Variants in MPZL1 observed in about 807,000 individuals in gnomAD.
MPZL1 encodes myelin protein zero-like protein 1.
A neutral mutation model predicts 29.3 loss-of-function variants in MPZL1; 16 were observed. The observed-to-expected ratio is 0.55, with a 90% confidence interval of 0.37 to 0.83. The LOEUF (loss-of-function observed/expected upper bound fraction) is 0.83, where lower values mean the gene tolerates loss of function less well. Ranked by LOEUF, MPZL1 falls within the 40% of genes least tolerant of loss-of-function variation. The probability of loss-of-function intolerance (pLI) is 0.00; values close to 1 mark genes in which losing one functional copy is unlikely to be tolerated. For synonymous variants in MPZL1, 143 were observed against 132.0 expected (o/e 1.08, Z -0.57); for missense variants, 279 against 332.9 (o/e 0.84, Z 1.26).
chr1:167,750,510 T>C (rs959552120), intron 1 of MPZL1, among the ~76,000 whole-genome samples: 4 of 152,100 alleles, frequency 2.6e-5, no homozygotes, highest in African/African-American at 9.7e-5. Flanking sequence ...CCCACCCAGG[T>C]TTTTCAGATG....
intron 1 of MPZL1, among the ~76,000 whole-genome samples, chr1:167,727,320 C>T (rs1660168319): frequency 6.6e-6 from 1 of 152,190 alleles, no homozygotes; most frequent in African/African-American, 2.4e-5. Flanking sequence ...ATGATTAGAG[C>T]CTTCTAACTG....
chr1:167,754,042 G>T (rs977103773), intron 1 of MPZL1, among the ~76,000 whole-genome samples: 1 of 152,112 alleles, frequency 6.6e-6, no homozygotes, highest in Admixed American at 6.6e-5. Flanking sequence ...CTGTTGCCCA[G>T]GCTGGAGTGC....
At chr1:167,784,415 C>G (rs536638013) in intron 5 of MPZL1, among the ~76,000 whole-genome samples, 3 of 152,148 alleles carry the variant, frequency 2.0e-5, no homozygotes, top group Admixed American at 2.0e-4. Context: ...AGTAAAACAG[C>G]TAGGTTAATG....
chr1:167,774,498 A>T (rs190320379), intron 4 of MPZL1: 1 of 152,398 alleles, frequency 6.6e-6, no homozygotes, highest in South Asian at 2.1e-4. Context: ...GAATGCTTCT[A>T]TTCTGCTGAC....
intron 1 of MPZL1, among the ~76,000 whole-genome samples, chr1:167,730,192 C>A (rs1408753785): frequency 6.6e-6 from 1 of 152,190 alleles, no homozygotes; most frequent in East Asian, 1.9e-4. Context: ...GCCATCCTCA[C>A]CAATCATGCA....
At chr1:167,753,888 C>A (rs1660811504) in intron 1 of MPZL1, among the ~76,000 whole-genome samples, 1 of 149,684 alleles carries the variant, frequency 6.7e-6, no homozygotes, top group Non-Finnish European at 1.5e-5. Flanking sequence ...CCTCAGCTTC[C>A]CAAAGTGTTG....
chr1:167,762,584 G>A (rs988127151), intron 1 of MPZL1, among the ~76,000 whole-genome samples: 3 of 152,220 alleles, frequency 2.0e-5, no homozygotes, highest in Non-Finnish European at 1.5e-5. Context: ...CCAAAACTCG[G>A]TGCTTGGCCC....
chr1:167,727,675 G>C (rs767946499), intron 1 of MPZL1, among the ~76,000 whole-genome samples: 82 of 151,832 alleles, frequency 5.4e-4, no homozygotes, highest in Admixed American at 9.9e-4. Flanking sequence ...CTCTTACTTT[G>C]CTAAGTCGTT....
chr1:167,770,937 T>C (rs1661229645), intron 2 of MPZL1, among the ~76,000 whole-genome samples: 1 of 152,142 alleles, frequency 6.6e-6, no homozygotes, highest in African/African-American at 2.4e-5. Context: ...TTGAGTGCCG[T>C]GATCTCTAAA....
chr1:167,769,627 C>T (rs1378770484), intron 2 of MPZL1, among the ~76,000 whole-genome samples: 1 of 152,174 alleles, frequency 6.6e-6, no homozygotes, highest in African/African-American at 2.4e-5. Context: ...GAACCTGTGG[C>T]CAACTAACTT....
At chr1:167,736,522 C>T (rs1002026697) in intron 1 of MPZL1, among the ~76,000 whole-genome samples, 3 of 152,140 alleles carry the variant, frequency 2.0e-5, no homozygotes, top group South Asian at 2.1e-4. Flanking sequence ...GCATGCCACT[C>T]GCTATTGTTA....
rs1416387432 is a variant in MPZL1 at position 167,789,844 on chromosome 1, G to A, written c.*1923G>A. 1 of 152,220 alleles carries A rather than the reference G, an allele frequency of 6.6e-6. No homozygotes were observed. Among genetic ancestry groups the A allele is most frequent in the Non-Finnish European group, 1.5e-5 (1 of 68,048 alleles). The allele number at this position is 152,220 out of a possible 1,614,324, so 9.4% of individuals were successfully genotyped here. A position where few individuals can be genotyped will look rare whatever the true frequency, so the allele number is the denominator to read the frequency against. On this transcript the variant is annotated 3_prime_UTR_variant, in exon 6 of 6. Transcript: ENST00000359523. Reference sequence around the variant, plus strand: ...GGCCCTGAGACATTTCCACAAAGTGGTCAACTCTGCCTTGCATCCTAAAAC... The same window carrying A: ...GGCCCTGAGACATTTCCACAAAGTGATCAACTCTGCCTTGCATCCTAAAAC...
intron 1 of MPZL1, among the ~76,000 whole-genome samples, chr1:167,726,509 C>G (rs1660148529): frequency 6.6e-6 from 1 of 152,148 alleles, no homozygotes; most frequent in African/African-American, 2.4e-5. Context: ...CATGTCTTGA[C>G]AACAGTTTGT....
At chr1:167,774,422 C>T (rs558061944) in intron 4 of MPZL1, 2 of 152,762 alleles carry the variant, frequency 1.3e-5, no homozygotes, top group Non-Finnish European at 2.9e-5. Context: ...CTCTGCTGAT[C>T]TAGAGTTTTT....
At chr1:167,726,737 C>T (rs1448204772) in intron 1 of MPZL1, among the ~76,000 whole-genome samples, 1 of 152,138 alleles carries the variant, frequency 6.6e-6, no homozygotes, top group Non-Finnish European at 1.5e-5. Flanking sequence ...CCAGGATATC[C>T]ACTAGGCTTA....
In MPZL1 at chr1:167,734,023, A is replaced by G. The variant is rs552021626; in HGVS notation, c.91+11781A>G. Among the ~76,000 whole-genome samples, 8 of 152,232 alleles carry G rather than the reference A, an allele frequency of 5.3e-5. No homozygotes were observed. In the South Asian group the frequency reaches 1.2e-3, roughly 24 times the overall value. ...TGTAATCCCAGCACTTTGGGAGGCC[A>G]AGGCGGACGGATCATGAGGTCAGGA... On this transcript the variant is annotated intron_variant, in intron 1 of 5. Coordinates refer to ENST00000359523, the MANE Select transcript of MPZL1 (RefSeq NM_003953.6).
At chr1:167,739,759 C>T (rs1168612872) in intron 1 of MPZL1, among the ~76,000 whole-genome samples, 4 of 152,164 alleles carry the variant, frequency 2.6e-5, no homozygotes, top group African/African-American at 9.7e-5. Flanking sequence ...TCCCTGTTAA[C>T]TACAGTCACT....
In MPZL1 at chr1:167,772,481, A is replaced by C. The variant is rs1459683383; in HGVS notation, c.465A>C (p.Val155=). ...CTGGACACATTAGGCTCTATGTCGT[A>C]GAAAAAGGTACTTCCTTGAGTATTT... ...VQPGHIRLYV[V]EKENLPVFPV... is the part of the protein sequence containing the mutation. Residue 155 remains valine (V), a synonymous_variant, in exon 3 of 6, where the codon GTA becomes GTC. Transcript: ENST00000359523. The C allele has an allele frequency of 6.2e-7, 1 of 1,612,330 alleles. No individual in the cohort carries two copies.
rs1443365965 is a variant in MPZL1, at chr1:167,788,704, G to A, written c.*783G>A. 2.0e-5 allele frequency: 3 copies of A among 152,154 alleles called. No homozygotes were observed. The highest frequency in any genetic ancestry group is 7.2e-5 in the African/African-American group (3 of 41,428). The allele number at this position is 152,154 out of a possible 1,614,324, so 9.4% of individuals were successfully genotyped here. Reference sequence around the variant, plus strand: ...TTTGCTTGAGAACTTTTGTAACGTGGAGAGTAAAAAGTATCGGTTTTATTC... The same window carrying A: ...TTTGCTTGAGAACTTTTGTAACGTGAAGAGTAAAAAGTATCGGTTTTATTC... On this transcript the variant is annotated 3_prime_UTR_variant, in exon 6 of 6. Transcript: ENST00000359523.
Sources: gnomAD v4.1 joint callset for allele counts (sites outside exome capture counted in the v4.1 genomes callset) on GRCh38, gnomAD v4.1.1 for gene constraint, MANE v1.5 for transcripts, NCBI Gene and HGNC (gene_info 2026-07-23, HGNC 2026-07-21) for gene names.